PARP11: variants seen among roughly 807,000 people sequenced by gnomAD.
PARP11 encodes poly(ADP-ribose) polymerase family member 11.
In PARP11, 31 loss-of-function variants were observed where a neutral mutation model predicts 42.9. The observed-to-expected ratio is 0.72, with a 90% CI of 0.54 to 0.98. PARP11 has a LOEUF of 0.98. PARP11 is among the 50% of genes least tolerant of loss of function. The pLI is 0.00. For synonymous variants in PARP11, 137 were observed against 127.3 expected (o/e 1.08, Z -0.51); for missense variants, 365 against 413.1 (o/e 0.88, Z 1.01).
chr12:3,811,210 T>C lies in PARP11; in HGVS notation c.*913A>G, dbSNP rs1947171410. On this transcript the variant is annotated 3_prime_UTR_variant, in exon 8 of 8. Coordinates refer to ENST00000228820, the MANE Select transcript of PARP11 (RefSeq NM_020367.6). Reference sequence around the variant, plus strand: ...GAGATACAAATTTGAAATATGAATTTTAGAAATCATTGTTGAATAGCTGTG... The same window carrying C: ...GAGATACAAATTTGAAATATGAATTCTAGAAATCATTGTTGAATAGCTGTG... 1 of 152,206 alleles carries C rather than the reference T, an allele frequency of 6.6e-6. No individual in the cohort carries two copies. The highest frequency in any genetic ancestry group is 1.5e-5 in the Non-Finnish European group (1 of 68,030). The allele number at this position is 152,206 out of a possible 1,614,324, so 9.4% of individuals were successfully genotyped here.
At chr12:3,839,496 A>C in intron 1 of PARP11, 1 of 1,606,668 alleles carries the variant, frequency 6.2e-7, no homozygotes, top group South Asian at 1.1e-5. Flanking sequence ...TTGAAGTCAG[A>C]ATGGCCTGTA....
chr12:3,827,895 A>G (rs1196309921), intron 3 of PARP11, among the ~76,000 whole-genome samples: 6 of 152,204 alleles, frequency 3.9e-5, no homozygotes, highest in African/African-American at 1.4e-4. Context: ...GCTGTGTAGC[A>G]AACAAAATGT....
chr12:3,840,738 ATAGT>A lies in PARP11; in HGVS notation c.19-10724_19-10721del, dbSNP rs1947868750. ...AAAGACAAAGACTCTATTCATGGAC[ATAGT>A]TGGATAAAAGACCCGAACCAAGCAT... On this transcript the variant is annotated intron_variant, in intron 1 of 7. Coordinates refer to ENST00000228820, the MANE Select transcript of PARP11 (RefSeq NM_020367.6). This position sits in a 1 kb window ranked among gnomAD's most constrained non-coding sequence, Gnocchi z 4.4. 1 of 1,314,354 alleles carries A rather than the reference ATAGT, an allele frequency of 7.6e-7. No individual in the cohort carries two copies. Among genetic ancestry groups the A allele is most frequent in the African/African-American group, 1.4e-5 (1 of 69,132 alleles). 81.4% of individuals were successfully genotyped at this position (1,314,354 alleles called of 1,614,324 possible). A position where few individuals can be genotyped will look rare whatever the true frequency, so the allele number is the denominator to read the frequency against.
At chr12:3,836,304 T>G (rs1407516286) in intron 1 of PARP11, among the ~76,000 whole-genome samples, 5 of 151,432 alleles carry the variant, frequency 3.3e-5, no homozygotes, top group African/African-American at 1.2e-4. Flanking sequence ...TTAGGAGACA[T>G]CATTCTCAAA....
At position 3,840,873 on chromosome 12, in the gene PARP11, G is replaced by A; in HGVS notation, c.19-10855C>T. On this transcript the variant is annotated intron_variant, in intron 1 of 7. Coordinates refer to ENST00000228820, the MANE Select transcript of PARP11 (RefSeq NM_020367.6). The surrounding 1 kb of genome is among the most constrained non-coding windows in gnomAD (Gnocchi z 4.4). ...CAGAACAAAAGCCAGCAGAACATGT[G>A]TCTTTGTCAAATCCAGCTCCCCTTC... is the stretch of plus-strand genomic sequence containing the variant. 1 of 1,600,754 alleles carries A rather than the reference G, an allele frequency of 6.2e-7. No homozygotes were observed. Among genetic ancestry groups the A allele is most frequent in the Non-Finnish European group, 8.6e-7 (1 of 1,167,766 alleles).
In PARP11 at chr12:3,812,233, T is replaced by C; in HGVS notation, c.907A>G (p.Ser303Gly). 6.2e-7 allele frequency: 1 copy of C among 1,614,116 alleles called. No individual in the cohort carries two copies. Among genetic ancestry groups the C allele is most frequent in the Non-Finnish European group, 8.5e-7 (1 of 1,179,994 alleles). The part of the protein sequence containing the change: ...KYMRPPSKDG[S>G]YVNLYDSCVD... ...CAGCTGTCATATAAATTCACATAGC[T>C]CCCGTCTTTGGAAGGAGGTCGCATG... The change falls in exon 8 of 8, where the codon AGC becomes GGC. Residue 303 changes from serine to glycine, a missense_variant. Coordinates refer to ENST00000228820, the MANE Select transcript of PARP11 (RefSeq NM_020367.6).
intron 6 of PARP11, among the ~76,000 whole-genome samples, chr12:3,817,246 C>T (rs1947311988): frequency 6.6e-6 from 1 of 151,926 alleles, no homozygotes; most frequent in South Asian, 2.1e-4. Context: ...GATTGAATCT[C>T]GGTTTGAAAA....
At chr12:3,845,446 A>G (rs1321866211) in intron 1 of PARP11, among the ~76,000 whole-genome samples, 1 of 152,238 alleles carries the variant, frequency 6.6e-6, no homozygotes, top group East Asian at 1.9e-4. Context: ...AAACTTGCTT[A>G]TGATTGACTT....
Position 3,812,437 on chromosome 12 carries a change from T to C in PARP11, c.703A>G (p.Thr235Ala). 1 of 1,599,820 alleles carries C rather than the reference T, an allele frequency of 6.3e-7. No homozygotes were observed. Among genetic ancestry groups the C allele is most frequent in the Non-Finnish European group, 8.5e-7 (1 of 1,173,394 alleles). Residue 235 changes from threonine to alanine, a missense_variant and splice_region_variant, in exon 8 of 8, where the codon ACC (threonine) becomes GCC (alanine). Physicochemically the swap from Thr to Ala is moderately conservative, Grantham distance 58 (BLOSUM62 0). Transcript: ENST00000228820. ...TAAGCAGCATCTCTAGCAAAATAGG[T>C]TCCTTAAACAAAGAGGACCAAGAAA... ...GIHGAVFGKG[T>A]YFARDAAYSS... is the part of the protein sequence containing the mutation.
rs1169396582 is a variant in PARP11 at position 3,861,956 on chromosome 12, C to G, written c.18+11256G>C. On this transcript the variant is annotated intron_variant, in intron 1 of 7. Transcript: ENST00000228820. The surrounding 1 kb of genome is among the most constrained non-coding windows in gnomAD (Gnocchi z 4.6). ...AGGAGAATGGCGTGAACCCAGGAGGCAGAGCTTGCAGTAGGATGAGATAGC... is the reference window on the plus strand; with the variant it reads ...AGGAGAATGGCGTGAACCCAGGAGGGAGAGCTTGCAGTAGGATGAGATAGC... 6.6e-6 allele frequency among the ~76,000 whole-genome samples: 1 copy of G among 152,002 alleles called. No homozygotes were observed. Among genetic ancestry groups the G allele is most frequent in the Non-Finnish European group, 1.5e-5 (1 of 67,992 alleles).
At chr12:3,837,554 C>A (rs1947793334) in intron 1 of PARP11, among the ~76,000 whole-genome samples, 1 of 151,826 alleles carries the variant, frequency 6.6e-6, no homozygotes, top group Non-Finnish European at 1.5e-5. Context: ...TACAAAACAA[C>A]CAGAAAATAA....
At chr12:3,837,018 C>G (rs7315750) in intron 1 of PARP11, among the ~76,000 whole-genome samples, 2,676 of 152,286 alleles carry the variant, frequency 0.018, 93 homozygotes, top group African/African-American at 0.062. Flanking sequence ...GAAGGGAGAA[C>G]TATCCCTGAA....
Position 3,821,980 on chromosome 12 carries a change from T to C in PARP11, c.441A>G (p.Thr147=), listed in dbSNP as rs1490657739. ...GATTAGCAACTTCATTATATTCATG[T>C]GTTTGATTGTGCAGAGGAATAAGCT... The part of the protein sequence containing the change: ...PYQLIPLHNQ[T]HEYNEVANLF... Residue 147 remains threonine (T), a synonymous_variant, in exon 6 of 8, where the codon ACA becomes ACG. Coordinates refer to ENST00000228820, the MANE Select transcript of PARP11 (RefSeq NM_020367.6). The C allele has an allele frequency of 1.9e-6, 3 of 1,609,226 alleles. No homozygotes were observed. The highest frequency in any genetic ancestry group is 2.7e-5 in the African/African-American group (2 of 74,506).
intron 1 of PARP11, among the ~76,000 whole-genome samples, chr12:3,830,658 C>A (rs1591771233): frequency 6.6e-6 from 1 of 152,072 alleles, no homozygotes; most frequent in Non-Finnish European, 1.5e-5. Flanking sequence ...ATAATAGTAA[C>A]CTTTATATTA....
At chr12:3,867,886 A>G (rs1948417648) in intron 1 of PARP11, among the ~76,000 whole-genome samples, 1 of 152,246 alleles carries the variant, frequency 6.6e-6, no homozygotes, top group Non-Finnish European at 1.5e-5. Flanking sequence ...AAAGAGCACA[A>G]GATATAATCT....
intron 1 of PARP11, among the ~76,000 whole-genome samples, chr12:3,868,932 G>A (rs1237012316): frequency 2.0e-5 from 3 of 152,106 alleles, no homozygotes; most frequent in Non-Finnish European, 4.4e-5. Flanking sequence ...CATCTCAATG[G>A]GCTAAAATCA....
intron 1 of PARP11, among the ~76,000 whole-genome samples, chr12:3,833,497 G>T (rs183139830): frequency 1.7e-3 from 254 of 152,280 alleles, no homozygotes; most frequent in African/African-American, 5.9e-3. Flanking sequence ...CTAGCCCCTT[G>T]AGAGGCTGAG....
At chr12:3,826,100 T>C in intron 4 of PARP11, 58 bp downstream of exon 4, 1 of 950,556 alleles carries the variant, frequency 1.1e-6, no homozygotes, top group Non-Finnish European at 1.6e-6. Flanking sequence ...TTTGTTTTTC[T>C]GTCCAATAGT....
At position 3,816,004 on chromosome 12, in the gene PARP11, T is replaced by C. The variant is rs148002318; in HGVS notation, c.549-1816A>G. ...GTATGTATCAAAATTTAAATGTATA[T>C]GCTTTGATCTATTTGTGACAGTCTT... On this transcript the variant is annotated intron_variant, in intron 6 of 7. Transcript: ENST00000228820. 5.7e-3 allele frequency among the ~76,000 whole-genome samples: 861 copies of C among 152,326 alleles called. 17 individuals carry two copies. Among genetic ancestry groups the C allele is most frequent in the African/African-American group, 0.019 (802 of 41,560 alleles).
Sources: allele counts gnomAD v4.1 joint callset (sites outside exome capture counted in the v4.1 genomes callset), GRCh38; gene constraint gnomAD v4.1.1; non-coding constraint Gnocchi (gnomAD v3.1); transcripts MANE v1.5; gene names NCBI Gene and HGNC (gene_info 2026-07-23, HGNC 2026-07-21).